The following HHIPL1 variants were observed in gnomAD, a reference collection of about 807,000 sequenced individuals.
HHIPL1 encodes the protein HHIP-like protein 1.
A neutral mutation model predicts 61.8 loss-of-function variants in HHIPL1; 43 were observed. The ratio of observed to expected loss-of-function variants is 0.70; its 90% CI spans 0.55 to 0.90. HHIPL1 has a LOEUF of 0.90. Among genes scored for constraint, HHIPL1 ranks in the 40% least tolerant of loss-of-function variants. The pLI, the probability that HHIPL1 is intolerant of heterozygous loss-of-function variation, is 0.00. For synonymous variants in HHIPL1, 482 were observed against 515.8 expected (o/e 0.93, Z 0.89); for missense variants, 1,056 against 1,157.7 (o/e 0.91, Z 1.28).
chr14:99,611,737 GGTT>G, the HHIPL1 span, among the ~76,000 whole-genome samples: 1 of 108,922 alleles, frequency 9.2e-6, no homozygotes, highest in East Asian at 3.0e-4. Flanking sequence ...CTAGTTTTTG[GGTT>G]GTTTTTTTTT....
upstream of HHIPL1, among the ~76,000 whole-genome samples, chr14:99,644,199 C>G (rs964961059): frequency 6.6e-6 from 1 of 152,146 alleles, no homozygotes; most frequent in Admixed American, 6.5e-5. Context: ...TCCCCCAGGA[C>G]AGTCCAAAGA....
the HHIPL1 span, among the ~76,000 whole-genome samples, chr14:99,605,059 C>G: frequency 6.6e-6 from 1 of 152,180 alleles, no homozygotes; most frequent in Non-Finnish European, 1.5e-5. Context: ...CTCTCTGCCC[C>G]GATGGGGCGA....
chr14:99,639,894 T>C, the HHIPL1 span, among the ~76,000 whole-genome samples: 1 of 151,668 alleles, frequency 6.6e-6, no homozygotes, highest in Admixed American at 6.6e-5. Flanking sequence ...ACTCCTGACC[T>C]CGTGATCCTC....
chr14:99,605,399 C>T, the HHIPL1 span, among the ~76,000 whole-genome samples: 2 of 144,658 alleles, frequency 1.4e-5, no homozygotes, highest in East Asian at 2.0e-4. Flanking sequence ...GGGGGGGGTC[C>T]CTCCCCCGGA....
chr14:99,656,830 AG>A (rs1566809834), intron 2 of HHIPL1, among the ~76,000 whole-genome samples, 169 bp from the exon 3 acceptor site: 3,379 of 16,930 alleles, frequency 0.2, 823 homozygotes, highest in African/African-American at 0.35. Flanking sequence ...AAAGAAAGAA[AG>A]AAAGAAAGGA....
At chr14:99,669,246 C>T (rs1021061187) in intron 7 of HHIPL1, 5 of 1,118,924 alleles carry the variant, frequency 4.5e-6, no homozygotes, top group Non-Finnish European at 5.5e-6. Context: ...CTCAGGAACA[C>T]TTGATGAATA....
chr14:99,648,905 T>C (rs1044034663), intron 1 of HHIPL1, among the ~76,000 whole-genome samples: 3 of 152,154 alleles, frequency 2.0e-5, no homozygotes, highest in Non-Finnish European at 2.9e-5. Context: ...CGAGTGTCAG[T>C]GACATGGGGG....
intron 1 of HHIPL1, among the ~76,000 whole-genome samples, chr14:99,649,391 A>G (rs2055891014): frequency 6.6e-6 from 1 of 152,180 alleles, no homozygotes; most frequent in African/African-American, 2.4e-5. Context: ...GTTGCTGACT[A>G]ATCTGGAAAG....
At chr14:99,609,235 A>G in the HHIPL1 span, among the ~76,000 whole-genome samples, 110 of 152,156 alleles carry the variant, frequency 7.2e-4, no homozygotes, top group Non-Finnish European at 1.5e-3. Context: ...GTGACCCTAG[A>G]CCAGTCCCTT....
chr14:99,623,641 T>C, the HHIPL1 span, among the ~76,000 whole-genome samples: 2 of 152,278 alleles, frequency 1.3e-5, no homozygotes, highest in East Asian at 1.9e-4. Flanking sequence ...CTCTAAATCC[T>C]GGTCTCAAGC....
In HHIPL1 at chr14:99,660,145, GC is replaced by G; in HGVS notation, c.1376-134del. ...TTCCACCACGCCAGCCCTGCTGTGG[GC>G]ACGCCAGCCCTGCTGTGGGCACGCC... On this transcript the variant is annotated intron_variant, in intron 4 of 8. Coordinates refer to ENST00000330710, the MANE Select transcript of HHIPL1 (RefSeq NM_001127258.3). This position sits in a 1 kb window ranked among gnomAD's most constrained non-coding sequence, Gnocchi z 4.9. 4.1e-6 allele frequency: 3 copies of G among 725,474 alleles called. No homozygotes were observed. The highest frequency in any genetic ancestry group is 3.9e-6 in the Non-Finnish European group (2 of 508,928). 44.9% of individuals were successfully genotyped at this position (725,474 alleles called of 1,614,324 possible). A position where few individuals can be genotyped will look rare whatever the true frequency, so the allele number is the denominator to read the frequency against.
Position 99,675,705 on chromosome 14 carries a change from GGT to G in HHIPL1, c.*81_*82del. On this transcript the variant is annotated 3_prime_UTR_variant, in exon 9 of 9. Coordinates refer to ENST00000330710, the MANE Select transcript of HHIPL1 (RefSeq NM_001127258.3). This position sits in a 1 kb window ranked among gnomAD's most constrained non-coding sequence, Gnocchi z 5.4. ...CGCTCCGCCCTGTGTGCGCCCAGCG[GGT>G]GCACACGTGTTCTAGAGTGAAGGGG... The G allele has an allele frequency of 7.3e-7, 1 of 1,367,192 alleles. No homozygotes were observed. Among genetic ancestry groups the G allele is most frequent in the Non-Finnish European group, 9.7e-7 (1 of 1,035,972 alleles). The allele number at this position is 1,367,192 out of a possible 1,614,324, so 84.7% of individuals were successfully genotyped here.
rs139023693 is a variant in HHIPL1, at chr14:99,653,048, C to T, written c.902+178C>T. On this transcript the variant is annotated intron_variant, in intron 2 of 8. Transcript: ENST00000330710. ...ACAGTTTTACAGAACAGACCTCACA[C>T]AGGCATCATATCCAAACCCCTCCAT... 8.8e-4 allele frequency among the ~76,000 whole-genome samples: 134 copies of T among 152,348 alleles called. 2 individuals carry two copies. In the East Asian group the frequency reaches 0.023, roughly 26 times the overall value.
At chr14:99,639,496 C>T in the HHIPL1 span, among the ~76,000 whole-genome samples, 1 of 151,394 alleles carries the variant, frequency 6.6e-6, no homozygotes, top group African/African-American at 2.4e-5. Flanking sequence ...AGGCACACAC[C>T]ACCACACCCA....
the HHIPL1 span, among the ~76,000 whole-genome samples, chr14:99,637,588 A>G: frequency 1.3e-5 from 2 of 152,208 alleles, no homozygotes; most frequent in Admixed American, 6.5e-5. Context: ...AAAAAAAGAA[A>G]GAAAGAAAAG....
the HHIPL1 span, among the ~76,000 whole-genome samples, chr14:99,609,657 G>A: frequency 6.6e-6 from 1 of 152,196 alleles, no homozygotes; most frequent in Admixed American, 6.5e-5. Flanking sequence ...CTACATGCTG[G>A]ACCGCCAGGG....
the HHIPL1 span, among the ~76,000 whole-genome samples, chr14:99,606,335 G>T: frequency 5.3e-5 from 8 of 152,200 alleles, no homozygotes; most frequent in African/African-American, 1.9e-4. Flanking sequence ...CTGCCTGGGG[G>T]AGCTGCAGGT....
chr14:99,657,256 G>T (rs1029812242), intron 3 of HHIPL1, 113 bp downstream of exon 3: 1 of 1,266,692 alleles, frequency 7.9e-7, no homozygotes, highest in South Asian at 1.3e-5. Context: ...CAGGAGAAAA[G>T]GTTCTGGGTC....
chr14:99,637,146 G>T, the HHIPL1 span, among the ~76,000 whole-genome samples: 1 of 115,420 alleles, frequency 8.7e-6, no homozygotes, highest in Non-Finnish European at 1.9e-5. Context: ...GAGAAAGGGA[G>T]GCAGAAAGAA....
Sources: gnomAD v4.1 joint callset for allele counts (sites outside exome capture counted in the v4.1 genomes callset) on GRCh38, gnomAD v4.1.1 for gene constraint, Gnocchi (gnomAD v3.1) non-coding constraint, MANE v1.5 for transcripts, NCBI Gene and HGNC (gene_info 2026-07-23, HGNC 2026-07-21) for gene names.